The following HNF4A variants were observed in gnomAD, a reference collection of about 807,000 sequenced individuals.
HNF4A encodes the protein hepatocyte nuclear factor 4-alpha.
HNF4A carries 15 observed loss-of-function variants against 52.4 expected under a neutral mutation model. The observed-to-expected ratio is 0.29, with a 90% confidence interval of 0.19 to 0.44. The LOEUF (loss-of-function observed/expected upper bound fraction) is 0.44, where lower values mean the gene tolerates loss of function less well. HNF4A is among the 20% of genes least tolerant of loss of function. The pLI, the probability that HNF4A is intolerant of heterozygous loss-of-function variation, is 1.00. For synonymous variants in HNF4A, 280 were observed against 264.4 expected, an observed-to-expected ratio of 1.06 and a Z score of -0.57; for missense variants, 479 against 647.2, an observed-to-expected ratio of 0.74 and a Z score of 2.82.
chr20:44,412,373 G>T (rs987066220), intron 3 of HNF4A, among the ~76,000 whole-genome samples: 8 of 152,220 alleles, frequency 5.3e-5, no homozygotes, highest in African/African-American at 1.9e-4. Context: ...CGACATTTGT[G>T]CAGAGGCAGG....
chr20:44,419,641 G>T (rs1004852897), intron 6 of HNF4A, 80 bp from the exon 7 acceptor site: 9 of 1,373,986 alleles, frequency 6.6e-6, no homozygotes. Flanking sequence ...CAGCTATCTT[G>T]CCAACTTAAA....
At chr20:44,385,059 C>CTTTTTTTGTTTTTTTTTTTTTTT (rs2063204231) in intron 1 of HNF4A, among the ~76,000 whole-genome samples, 1 of 34,970 alleles carries the variant, frequency 2.9e-5, no homozygotes, top group Non-Finnish European at 4.6e-5. Context: ...ACTCTGTGAT[C>CTTTTTTTGTTTTTTTTTTTTTTT]TTTTTTTTTT....
chr20:44,407,106 G>T (rs1185722610), intron 2 of HNF4A, among the ~76,000 whole-genome samples: 2 of 152,178 alleles, frequency 1.3e-5, no homozygotes, highest in African/African-American at 2.4e-5. Flanking sequence ...AGAGGTCAAG[G>T]TTCCCAACTC....
intron 1 of HNF4A, among the ~76,000 whole-genome samples, chr20:44,372,542 CA>C (rs2063044318): frequency 6.6e-6 from 1 of 152,220 alleles, no homozygotes; most frequent in African/African-American, 2.4e-5. Flanking sequence ...TTTTCTTTAT[CA>C]GACATTCACA....
chr20:44,363,706 C>CTTTTTTT (rs11480026), intron 1 of HNF4A, among the ~76,000 whole-genome samples: 22 of 107,476 alleles, frequency 2.0e-4, no homozygotes, highest in African/African-American at 7.0e-4. Context: ...TCCATCTACT[C>CTTTTTTT]TTTTTTTTTT....
At chr20:44,369,524 A>C (rs1207561484) in intron 1 of HNF4A, among the ~76,000 whole-genome samples, 1 of 152,140 alleles carries the variant, frequency 6.6e-6, no homozygotes, top group East Asian at 1.9e-4. Context: ...ATGTACCTGG[A>C]AACAGTTGGG....
chr20:44,357,605 G>A (rs2062872217), intron 1 of HNF4A, among the ~76,000 whole-genome samples: 1 of 152,062 alleles, frequency 6.6e-6, no homozygotes. Flanking sequence ...CACCTTGTAG[G>A]ATGTCCTCAT....
In HNF4A at chr20:44,429,638, G is replaced by A. The variant is rs780234320; in HGVS notation, c.1398G>A (p.Pro466=). The change falls in exon 10 of 10, where the codon CCG becomes CCA. Residue 466 remains proline (P), a synonymous_variant. Coordinates refer to ENST00000316099, the MANE Select transcript of HNF4A (RefSeq NM_000457.6). ...AGCCCCTCTCTGCCATCCCCCAGCCGACCATCACCAAGCAGGAAGTTATCT... is the reference window on the plus strand; with the variant it reads ...AGCCCCTCTCTGCCATCCCCCAGCCAACCATCACCAAGCAGGAAGTTATCT... 3.2e-5 allele frequency: 52 copies of A among 1,613,734 alleles called. No individual in the cohort carries two copies. Among genetic ancestry groups the A allele is most frequent in the Non-Finnish European group, 4.1e-5 (48 of 1,179,986 alleles).
chr20:44,367,698 G>T (rs2146189671), intron 1 of HNF4A, among the ~76,000 whole-genome samples: 1 of 151,500 alleles, frequency 6.6e-6, no homozygotes, highest in East Asian at 1.9e-4. Flanking sequence ...TTAAATCCCA[G>T]CACTTTGGGA....
At position 44,408,741 on chromosome 20, in the gene HNF4A, T is replaced by A. The variant is rs2063539304; in HGVS notation, c.385+1266T>A. On this transcript the variant is annotated intron_variant, in intron 3 of 9. Coordinates refer to ENST00000316099, the MANE Select transcript of HNF4A (RefSeq NM_000457.6). ...GACTCTCTCAAAAAAAATAAAAAAG[T>A]AACGAGTTCATTTTCGAATCTCTTC... is the stretch of plus-strand genomic sequence containing the variant. 2.6e-5 allele frequency among the ~76,000 whole-genome samples: 4 copies of A among 151,982 alleles called. No individual in the cohort carries two copies. The South Asian group carries it at 8.4e-4, about 32-fold the overall frequency.
chr20:44,390,336 C>T (rs929787542), intron 1 of HNF4A: 11 of 386,080 alleles, frequency 2.8e-5, no homozygotes, highest in Non-Finnish European at 5.1e-5. Flanking sequence ...AGAGAGACAA[C>T]AGGAGGGCCA....
intron 5 of HNF4A, among the ~76,000 whole-genome samples, chr20:44,414,958 C>T (rs2063642348): frequency 6.6e-6 from 1 of 152,166 alleles, no homozygotes; most frequent in African/African-American, 2.4e-5. Context: ...AGCTACTATC[C>T]AGCATAGCTG....
At chr20:44,407,616 G>A (rs1026336971) in intron 3 of HNF4A, 141 bp downstream of exon 3, 1 of 720,456 alleles carries the variant, frequency 1.4e-6, no homozygotes, top group South Asian at 1.5e-5. Flanking sequence ...GAAGAGGGAG[G>A]GCCTGGAAAT....
In HNF4A at chr20:44,370,343, A is replaced by G. The variant is rs1009898307; in HGVS notation, c.49+14490A>G. Among the ~76,000 whole-genome samples, 14 of 152,254 alleles carry G rather than the reference A, an allele frequency of 9.2e-5. No individual in the cohort carries two copies. In the South Asian group the frequency reaches 1.0e-3, roughly 11 times the overall value. ...CGCCCAGCCACACTGGCCTTTTGAC[A>G]ATCCTTCAATCACGCCAAGCACACT... On this transcript the variant is annotated intron_variant, in intron 1 of 9. Coordinates refer to the HNF4A transcript ENST00000316673.
intron 7 of HNF4A, among the ~76,000 whole-genome samples, chr20:44,422,263 C>G (rs1489011050): frequency 2.6e-5 from 4 of 152,108 alleles, no homozygotes; most frequent in Non-Finnish European, 5.9e-5. Context: ...CTGTAGTGCT[C>G]AACACGAGGC....
At chr20:44,396,527 C>T (rs958948948), upstream of HNF4A, among the ~76,000 whole-genome samples, 1 of 152,122 alleles carries the variant, frequency 6.6e-6, no homozygotes, top group Non-Finnish European at 1.5e-5. Context: ...AATCTGCTGC[C>T]TCTTGAGCTG....
intron 1 of HNF4A, among the ~76,000 whole-genome samples, chr20:44,402,090 T>A (rs1750698361): frequency 6.6e-6 from 1 of 152,050 alleles, no homozygotes. Context: ...GTAGGTTGTA[T>A]GGGTGGGGTG....
At chr20:44,387,579 A>G (rs1304602780) in intron 1 of HNF4A, among the ~76,000 whole-genome samples, 1 of 146,038 alleles carries the variant, frequency 6.8e-6, no homozygotes, top group African/African-American at 2.5e-5. Context: ...GTACAAGATC[A>G]CCCTTGGCCC....
chr20:44,413,634 C>G (rs1416810652), intron 3 of HNF4A, 60 bp from the exon 4 acceptor site: 32 of 1,252,528 alleles, frequency 2.6e-5, no homozygotes, highest in Non-Finnish European at 3.7e-5. Context: ...CAGTCACAGA[C>G]ACCCCCACCC....
Sources: gnomAD v4.1 joint callset for allele counts (sites outside exome capture counted in the v4.1 genomes callset) on GRCh38, gnomAD v4.1.1 for gene constraint, MANE v1.5 for transcripts, NCBI Gene and HGNC (gene_info 2026-07-23, HGNC 2026-07-21) for gene names.